Variants in CUX1 observed in about 807,000 individuals in gnomAD.
The protein encoded by CUX1 is cut like homeobox 1.
Under a neutral mutation model 158.8 loss-of-function variants are expected in CUX1, and 31 were observed. The ratio of observed to expected loss-of-function variants is 0.20; its 90% confidence interval spans 0.15 to 0.26. The LOEUF is 0.26. Among genes scored for constraint, CUX1 ranks in the 10% least tolerant of loss-of-function variants. The pLI, the probability that CUX1 is intolerant of heterozygous loss-of-function variation, is 1.00. For missense variants in CUX1, 1,589 were observed against 2,014.6 expected, an observed-to-expected ratio of 0.79 and a Z score of 4.04; for synonymous variants, 879 against 862.1, an observed-to-expected ratio of 1.02 and a Z score of -0.34.
At chr7:102,056,877 G>T (rs1034621790) in intron 3 of CUX1, among the ~76,000 whole-genome samples, 3 of 143,956 alleles carry the variant, frequency 2.1e-5, no homozygotes, top group African/African-American at 7.7e-5. Flanking sequence ...CTGATAAAAA[G>T]ATTTTTTGTT....
chr7:102,191,290 AT>A, intron 12 of CUX1, among the ~76,000 whole-genome samples: 1 of 152,204 alleles, frequency 6.6e-6, no homozygotes, highest in Middle Eastern at 3.4e-3. Context: ...CTGGAGTGCA[AT>A]GGTGCTATCT....
intron 2 of CUX1, among the ~76,000 whole-genome samples, chr7:101,935,547 C>T (rs1049785428): frequency 6.6e-6 from 1 of 152,212 alleles, no homozygotes; most frequent in Non-Finnish European, 1.5e-5. Context: ...TGCACTTCTC[C>T]GGGCACTCCT....
chr7:102,103,619 A>G (rs1264425605), intron 5 of CUX1, among the ~76,000 whole-genome samples: 3 of 152,068 alleles, frequency 2.0e-5, no homozygotes, highest in African/African-American at 7.2e-5. Flanking sequence ...CCCTTTTTGT[A>G]GAGGCGGGGC....
At position 101,916,888 on chromosome 7, in the gene CUX1, A is replaced by C. The variant is rs1320461293; in HGVS notation, c.141+663A>C. Among the ~76,000 whole-genome samples, 3 of 151,090 alleles carry C rather than the reference A, an allele frequency of 2.0e-5. No individual in the cohort carries two copies. The highest frequency in any genetic ancestry group is 2.0e-4 in the Admixed American group (3 of 15,198). On this transcript the variant is annotated intron_variant, in intron 2 of 23. Transcript: ENST00000292535. This position sits in a 1 kb window ranked among gnomAD's most constrained non-coding sequence, Gnocchi z 4.4. ...TCCTGGCCCCTTCTTCCTTCCCTTC[A>C]ACCCTATCAGGGGCTTACTAAGAAA... is the stretch of plus-strand genomic sequence containing the variant.
intron 2 of CUX1, among the ~76,000 whole-genome samples, chr7:101,974,572 A>T (rs1812404320): frequency 6.6e-6 from 1 of 152,154 alleles, no homozygotes. Context: ...TTGGGATCTA[A>T]TTCTATAATC....
intron 9 of CUX1, among the ~76,000 whole-genome samples, chr7:102,169,683 G>A (rs1477358900): frequency 6.6e-6 from 1 of 152,158 alleles, no homozygotes; most frequent in Non-Finnish European, 1.5e-5. Context: ...GTCGGGTGGT[G>A]GGCACTGGGG....
In CUX1 at chr7:102,018,380, T is replaced by A. The variant is rs184776209; in HGVS notation, c.142-9718T>A. The stretch of plus-strand genomic sequence containing the variant: ...ACCAATGGAGCCTGAATTTGGCTTC[T>A]CCCATTTCCTACCACTGATCCCCTG... On this transcript the variant is annotated intron_variant, in intron 2 of 23. Coordinates refer to ENST00000292535, the MANE Select transcript of CUX1 (RefSeq NM_181552.4). Among the ~76,000 whole-genome samples the A allele has an allele frequency of 5.3e-5, 8 of 152,354 alleles. No individual in the cohort carries two copies. The East Asian group carries it at 1.5e-3, about 29-fold the overall frequency.
At position 102,249,506 on chromosome 7, in the gene CUX1, T is replaced by C. The variant is rs1554539049; in HGVS notation, c.*464T>C. 1.0e-6 allele frequency: 1 copy of C among 985,822 alleles called. No individual in the cohort carries two copies. Among genetic ancestry groups the C allele is most frequent in the Non-Finnish European group, 1.2e-6 (1 of 829,956 alleles). 61.1% of individuals were successfully genotyped at this position (985,822 alleles called of 1,614,324 possible). ...GTGTTTTTTTTATTGCCCTAAGTGA[T>C]TTCCACAGGTTCTGGAATAACTCTT... is the stretch of plus-strand genomic sequence containing the variant. On this transcript the variant is annotated 3_prime_UTR_variant, in exon 24 of 24. Transcript: ENST00000292535.
At chr7:101,901,510 G>T (rs932254789) in intron 1 of CUX1, among the ~76,000 whole-genome samples, 1 of 152,062 alleles carries the variant, frequency 6.6e-6, no homozygotes, top group Non-Finnish European at 1.5e-5. Flanking sequence ...GGCCAGGCTG[G>T]TCTCGAACTC....
In CUX1 at chr7:102,254,411, G is replaced by A. The variant is rs1191233478; in HGVS notation, c.*5369G>A. On this transcript the variant is annotated 3_prime_UTR_variant, in exon 24 of 24. Coordinates refer to ENST00000292535, the MANE Select transcript of CUX1 (RefSeq NM_181552.4). Reference sequence around the variant, plus strand: ...TGCAAACATCAAACATCTCAAAGACGGAAAAGGATAGATGGCTTCCTCCAG... The same window carrying A: ...TGCAAACATCAAACATCTCAAAGACAGAAAAGGATAGATGGCTTCCTCCAG... The A allele has an allele frequency of 2.9e-5, 29 of 985,234 alleles. No individual in the cohort carries two copies. Among genetic ancestry groups the A allele is most frequent in the Non-Finnish European group, 3.3e-5 (27 of 829,956 alleles). 61.0% of individuals were successfully genotyped at this position (985,234 alleles called of 1,614,324 possible).
At chr7:102,167,773 T>C (rs1178124253) in intron 9 of CUX1, among the ~76,000 whole-genome samples, 4 of 152,174 alleles carry the variant, frequency 2.6e-5, no homozygotes, top group Non-Finnish European at 5.9e-5. Context: ...AGAGGACATT[T>C]TTCTGTAGTC....
chr7:102,006,206 G>C (rs1470232095), intron 2 of CUX1, among the ~76,000 whole-genome samples: 1 of 152,132 alleles, frequency 6.6e-6, no homozygotes, highest in African/African-American at 2.4e-5. Flanking sequence ...TGGCTCGGAA[G>C]TCGGTCTCTT....
chr7:102,282,046 G>A (rs2257738), intron 21 of CUX1: 227,500 of 717,440 alleles, frequency 0.32, 37,825 homozygotes, highest in East Asian at 0.51. Context: ...CTAGCTTGCG[G>A]CCATGCCTCT....
intron 23 of CUX1, among the ~76,000 whole-genome samples, chr7:102,240,240 T>TTA (rs782434554): frequency 5.9e-5 from 9 of 152,204 alleles, no homozygotes; most frequent in Non-Finnish European, 1.0e-4. Context: ...GTGGTTTAGT[T>TTA]TATATATATC....
intron 2 of CUX1, among the ~76,000 whole-genome samples, chr7:101,927,789 T>G (rs574840752): frequency 2.0e-5 from 3 of 152,362 alleles, no homozygotes; most frequent in Admixed American, 2.0e-4. Context: ...CTTAGGCAAT[T>G]CTTAGGTAAT....
At chr7:101,918,718 C>T (rs1804533608) in intron 2 of CUX1, among the ~76,000 whole-genome samples, 1 of 152,236 alleles carries the variant, frequency 6.6e-6, no homozygotes, top group South Asian at 2.1e-4. Context: ...AAGTCCAAGA[C>T]GAGACCCACT....
chr7:102,225,285 T>TA (rs1776666590), intron 20 of CUX1, among the ~76,000 whole-genome samples: 2 of 152,368 alleles, frequency 1.3e-5, no homozygotes, highest in African/African-American at 4.8e-5. Context: ...TTCAGGACGA[T>TA]AAACGGGTTG....
chr7:102,081,237 C>A (rs1172275340), intron 4 of CUX1, among the ~76,000 whole-genome samples: 1 of 152,264 alleles, frequency 6.6e-6, no homozygotes, highest in Admixed American at 6.5e-5. Flanking sequence ...CTCCACATGA[C>A]CAAAAGAGAA....
chr7:102,017,708 A>G (rs376239537), intron 2 of CUX1, among the ~76,000 whole-genome samples: 3 of 152,128 alleles, frequency 2.0e-5, no homozygotes, highest in Admixed American at 2.0e-4. Flanking sequence ...TTAGCCAGGT[A>G]TGGTGACACA....
Sources: gnomAD v4.1 joint callset for allele counts (sites outside exome capture counted in the v4.1 genomes callset) on GRCh38, gnomAD v4.1.1 for gene constraint, Gnocchi (gnomAD v3.1) non-coding constraint, MANE v1.5 for transcripts, NCBI Gene and HGNC (gene_info 2026-07-23, HGNC 2026-07-21) for gene names.